Variants in OSBPL1A observed in about 807,000 individuals in gnomAD.
OSBPL1A encodes oxysterol-binding protein-related protein 1.
A neutral mutation model predicts 137.1 loss-of-function variants in OSBPL1A; 80 were observed. The ratio of observed to expected loss-of-function variants is 0.58; its 90% confidence interval spans 0.49 to 0.70. The LOEUF (loss-of-function observed/expected upper bound fraction) is 0.70, where lower values mean the gene tolerates loss of function less well. Among genes scored for constraint, OSBPL1A ranks in the 30% least tolerant of loss-of-function variants. The probability of loss-of-function intolerance (pLI) is 0.00; values close to 1 mark genes in which losing one functional copy is unlikely to be tolerated. For synonymous variants in OSBPL1A, 365 were observed against 389.7 expected (o/e 0.94, Z 0.75); for missense variants, 970 against 1,129.4 (o/e 0.86, Z 2.02).
At chr18:24,193,077 A>G (rs1342879126) in intron 18 of OSBPL1A, among the ~76,000 whole-genome samples, 2 of 152,224 alleles carry the variant, frequency 1.3e-5, no homozygotes, top group Admixed American at 1.3e-4. Context: ...GAAGCTGGGT[A>G]AATGGAGGTA....
chr18:24,168,777 G>A (rs1225722969), intron 24 of OSBPL1A, among the ~76,000 whole-genome samples: 2 of 152,198 alleles, frequency 1.3e-5, no homozygotes, highest in African/African-American at 4.8e-5. Context: ...AGGAACACAG[G>A]AATGAGAGAG....
intron 15 of OSBPL1A, among the ~76,000 whole-genome samples, chr18:24,251,505 C>T (rs2089096669): frequency 6.6e-6 from 1 of 152,228 alleles, no homozygotes; most frequent in African/African-American, 2.4e-5. Flanking sequence ...TCCAAGACCA[C>T]CAAGGCAGTA....
intron 17 of OSBPL1A, among the ~76,000 whole-genome samples, chr18:24,197,272 G>A (rs2087061635): frequency 6.6e-6 from 1 of 152,178 alleles, no homozygotes; most frequent in Non-Finnish European, 1.5e-5. Flanking sequence ...ACTTGAACAC[G>A]TGAGGCGGAG....
At chr18:24,239,070 TG>T in intron 16 of OSBPL1A, 149 bp downstream of exon 16, 1 of 826,880 alleles carries the variant, frequency 1.2e-6, no homozygotes, top group Non-Finnish European at 1.8e-6. Context: ...ACAAAAAATC[TG>T]GGGAGCTATA....
rs370271342 is a variant in OSBPL1A, at chr18:24,280,958, A to G, written c.1175-10T>C. On this transcript the variant is annotated splice_polypyrimidine_tract_variant and intron_variant, in intron 14 of 27. Coordinates refer to ENST00000319481, the MANE Select transcript of OSBPL1A (RefSeq NM_080597.4). ...AATGATGGAAGCATTTCTATAAAGA[A>G]AAAAATAAATACAGTGAGTCGGATT... The G allele has an allele frequency of 3.5e-5, 55 of 1,562,056 alleles. No homozygotes were observed. The African/African-American group carries it at 6.7e-4, about 19-fold the overall frequency.
chr18:24,176,242 G>GAT (rs2086443371), intron 21 of OSBPL1A, among the ~76,000 whole-genome samples: 2 of 152,164 alleles, frequency 1.3e-5, no homozygotes, highest in Non-Finnish European at 2.9e-5. Flanking sequence ...ACTGCTTATA[G>GAT]ATCAGTGAGG....
intron 4 of OSBPL1A, among the ~76,000 whole-genome samples, chr18:24,363,488 C>T (rs2091657448): frequency 1.5e-5 from 2 of 136,682 alleles, no homozygotes; most frequent in South Asian, 2.2e-4. Context: ...GCTGTGTTGT[C>T]CAGGCTGGAA....
At chr18:24,239,529 G>A in intron 15 of OSBPL1A, 147 bp from the exon 16 acceptor site, 3 of 733,862 alleles carry the variant, frequency 4.1e-6, no homozygotes, top group South Asian at 4.0e-5. Flanking sequence ...ATGGATGAAT[G>A]AGCAAAATTA....
intron 17 of OSBPL1A, among the ~76,000 whole-genome samples, chr18:24,196,638 T>G (rs915090161): frequency 7.2e-5 from 11 of 152,224 alleles, no homozygotes; most frequent in African/African-American, 2.7e-4. Context: ...GATACAGGTT[T>G]TTAAGAAATG....
rs190029033 is a variant in OSBPL1A, at chr18:24,312,970, A to C, written c.970-864T>G. Among the ~76,000 whole-genome samples, 15 of 151,554 alleles carry C rather than the reference A, an allele frequency of 9.9e-5. No homozygotes were observed. The East Asian group carries it at 2.1e-3, about 22-fold the overall frequency. On this transcript the variant is annotated intron_variant, in intron 12 of 27. Transcript: ENST00000319481. ...GAAACCCCATCTCTACTAAAAATAC[A>C]AAAATTAGCCAGGCATGGTGGTACA... is the stretch of plus-strand genomic sequence containing the variant.
At chr18:24,299,760 G>GTATT (rs1208116573) in intron 14 of OSBPL1A, among the ~76,000 whole-genome samples, 2 of 152,100 alleles carry the variant, frequency 1.3e-5, no homozygotes, top group Non-Finnish European at 2.9e-5. Flanking sequence ...ATTTAACCAA[G>GTATT]TATTCACTAT....
In OSBPL1A at chr18:24,280,954, A is replaced by T; in HGVS notation, c.1175-6T>A. ...AAGAAATGATGGAAGCATTTCTATA[A>T]AGAAAAAAATAAATACAGTGAGTCG... is the stretch of plus-strand genomic sequence containing the variant. On this transcript the variant is annotated splice_polypyrimidine_tract_variant and splice_region_variant and intron_variant, in intron 14 of 27. Transcript: ENST00000319481. 1 of 1,575,226 alleles carries T rather than the reference A, an allele frequency of 6.3e-7. No homozygotes were observed. The highest frequency in any genetic ancestry group is 8.6e-7 in the Non-Finnish European group (1 of 1,161,232).
At position 24,271,459 on chromosome 18, in the gene OSBPL1A, C is replaced by G. The variant is rs2089715723; in HGVS notation, c.1281+9383G>C. On this transcript the variant is annotated intron_variant, in intron 15 of 27. Coordinates refer to ENST00000319481, the MANE Select transcript of OSBPL1A (RefSeq NM_080597.4). The surrounding 1 kb of genome is among the most constrained non-coding windows in gnomAD (Gnocchi z 4.0). ...CCCGGCTGGTGCGCCCCTCCCCACGCGCCCGCGGCTGCACCCCACTCTGCA... is the reference window on the plus strand; with the variant it reads ...CCCGGCTGGTGCGCCCCTCCCCACGGGCCCGCGGCTGCACCCCACTCTGCA... 3 of 744,046 alleles carry G rather than the reference C, an allele frequency of 4.0e-6. No homozygotes were observed. Among genetic ancestry groups the G allele is most frequent in the East Asian group, 2.6e-4 (2 of 7,690 alleles). The allele number at this position is 744,046 out of a possible 1,614,324, so 46.1% of individuals were successfully genotyped here.
At chr18:24,370,186 A>G (rs1290642283) in intron 2 of OSBPL1A, among the ~76,000 whole-genome samples, 1 of 152,232 alleles carries the variant, frequency 6.6e-6, no homozygotes, top group Admixed American at 6.5e-5. Flanking sequence ...GCACCGCTGC[A>G]TTCCAGCCTG....
intron 17 of OSBPL1A, among the ~76,000 whole-genome samples, chr18:24,221,151 T>C (rs913415355): frequency 1.3e-5 from 2 of 152,226 alleles, no homozygotes; most frequent in Non-Finnish European, 2.9e-5. Context: ...AAATAATTTT[T>C]ATTTACCACT....
At chr18:24,252,364 G>A (rs1015829484) in intron 15 of OSBPL1A, among the ~76,000 whole-genome samples, 1 of 152,148 alleles carries the variant, frequency 6.6e-6, no homozygotes. Flanking sequence ...GCTCCAATAC[G>A]TCTGGCAGCA....
Position 24,338,948 on chromosome 18 carries a change from G to A in OSBPL1A, c.394+2599C>T, listed in dbSNP as rs549355020. 1.4e-4 allele frequency among the ~76,000 whole-genome samples: 22 copies of A among 152,024 alleles called. No individual in the cohort carries two copies. In the South Asian group the frequency reaches 4.2e-3, roughly 29 times the overall value. On this transcript the variant is annotated intron_variant, in intron 5 of 27. Transcript: ENST00000319481. Reference sequence around the variant, plus strand: ...AGGGTGGTCTTGAACTTGTGACCTCGTGATCCACCCGCCTCAGCTTCCCAA... The same window carrying A: ...AGGGTGGTCTTGAACTTGTGACCTCATGATCCACCCGCCTCAGCTTCCCAA...
chr18:24,185,929 G>T (rs1433751872), intron 18 of OSBPL1A, among the ~76,000 whole-genome samples: 1 of 152,132 alleles, frequency 6.6e-6, no homozygotes, highest in African/African-American at 2.4e-5. Context: ...CTAGCTAAGT[G>T]TGGGGGCGTG....
At chr18:24,267,167 AAAG>A (rs1362209790) in intron 15 of OSBPL1A, among the ~76,000 whole-genome samples, 1 of 149,752 alleles carries the variant, frequency 6.7e-6, no homozygotes, top group Non-Finnish European at 1.5e-5. Flanking sequence ...AAAAAAAAAG[AAAG>A]AAAATTATGA....
Sources: gnomAD v4.1 joint callset for allele counts (sites outside exome capture counted in the v4.1 genomes callset) on GRCh38, gnomAD v4.1.1 for gene constraint, Gnocchi (gnomAD v3.1) non-coding constraint, MANE v1.5 for transcripts, NCBI Gene and HGNC (gene_info 2026-07-23, HGNC 2026-07-21) for gene names.